The following HELZ variants were observed in gnomAD, a reference collection of about 807,000 sequenced individuals.
HELZ encodes ATP-dependent RNA helicase with zinc finger domain.
A neutral mutation model predicts 218.2 loss-of-function variants in HELZ; 23 were observed. The ratio of observed to expected loss-of-function variants is 0.11; its 90% CI spans 0.08 to 0.15. The LOEUF (loss-of-function observed/expected upper bound fraction) is 0.15, where lower values mean the gene tolerates loss of function less well. Ranked by LOEUF, HELZ falls within the 10% of genes least tolerant of loss-of-function variation. HELZ has a pLI of 1.00. For synonymous variants in HELZ, 814 were observed against 829.4 expected, an observed-to-expected ratio of 0.98 and a Z score of 0.32; for missense variants, 1,813 against 2,353.7, an observed-to-expected ratio of 0.77 and a Z score of 4.75.
chr17:67,102,354 T>C (rs2036956622), intron 31 of HELZ, among the ~76,000 whole-genome samples: 1 of 152,230 alleles, frequency 6.6e-6, no homozygotes. Flanking sequence ...TCTAGTTAAA[T>C]TATAAATAAT....
intron 31 of HELZ, among the ~76,000 whole-genome samples, chr17:67,092,121 G>A (rs1449127722): frequency 1.3e-5 from 2 of 152,180 alleles, no homozygotes; most frequent in African/African-American, 4.8e-5. Flanking sequence ...CTATTGAAAA[G>A]CACTTGATAA....
rs1218230493 is a variant in HELZ at position 67,244,752 on chromosome 17, G to A, written c.-132+396C>T. 5 of 984,450 alleles carry A rather than the reference G, an allele frequency of 5.1e-6. No individual in the cohort carries two copies. In the African/African-American group the frequency reaches 8.7e-5, roughly 17 times the overall value. 61.0% of individuals were successfully genotyped at this position (984,450 alleles called of 1,614,324 possible). A position where few individuals can be genotyped will look rare whatever the true frequency, so the allele number is the denominator to read the frequency against. Reference sequence around the variant, plus strand: ...CGAGCGGGGCGTGGGAGGCCCGCACGCTCCCCACCCCCAGCCGCGACCCGG... The same window carrying A: ...CGAGCGGGGCGTGGGAGGCCCGCACACTCCCCACCCCCAGCCGCGACCCGG... On this transcript the variant is annotated intron_variant, in intron 1 of 32. Transcript: ENST00000358691.
intron 5 of HELZ, among the ~76,000 whole-genome samples, chr17:67,205,097 C>G (rs1051088575): frequency 6.6e-6 from 1 of 152,050 alleles, no homozygotes. Context: ...GAGGCCGAGG[C>G]GGGCAGATCA....
intron 7 of HELZ, among the ~76,000 whole-genome samples, chr17:67,197,580 T>C (rs1011527603): frequency 8.5e-5 from 13 of 152,326 alleles, no homozygotes; most frequent in Admixed American, 5.2e-4. Context: ...TTGCTTTTCA[T>C]GGACATCTCA....
intron 3 of HELZ, among the ~76,000 whole-genome samples, chr17:67,228,864 A>G (rs1282403046): frequency 2.6e-5 from 4 of 152,092 alleles, no homozygotes; most frequent in Admixed American, 1.3e-4. Context: ...TATTACAGGC[A>G]TACGCCACCA....
At chr17:67,227,559 T>C (rs781310942) in intron 3 of HELZ, among the ~76,000 whole-genome samples, 1 of 152,172 alleles carries the variant, frequency 6.6e-6, no homozygotes, top group Non-Finnish European at 1.5e-5. Flanking sequence ...AGAAAACCCA[T>C]GCACTTCCCT....
Position 67,073,678 on chromosome 17 carries a change from T to C in HELZ, c.*4574A>G, listed in dbSNP as rs901705044. On this transcript the variant is annotated 3_prime_UTR_variant, in exon 33 of 33. Coordinates refer to ENST00000358691, the MANE Select transcript of HELZ (RefSeq NM_014877.4). ...TTAAACTTCACTCCAAAGTAGACATTCTCAATTGGTTCAAAAATTTTAAAC... is the reference window on the plus strand; with the variant it reads ...TTAAACTTCACTCCAAAGTAGACATCCTCAATTGGTTCAAAAATTTTAAAC... The C allele has an allele frequency of 5.9e-5, 9 of 152,314 alleles. No individual in the cohort carries two copies. The South Asian group carries it at 1.0e-3, about 18-fold the overall frequency. 9.4% of individuals were successfully genotyped at this position (152,314 alleles called of 1,614,324 possible).
intron 13 of HELZ, among the ~76,000 whole-genome samples, chr17:67,174,727 G>C (rs1298158704): frequency 6.6e-6 from 1 of 152,118 alleles, no homozygotes; most frequent in Non-Finnish European, 1.5e-5. Flanking sequence ...GAACCCAGGA[G>C]GCGGAGGTTC....
chr17:67,073,911 A>G lies in HELZ; in HGVS notation c.*4341T>C, dbSNP rs1380879972. 1 of 152,198 alleles carries G rather than the reference A, an allele frequency of 6.6e-6. No homozygotes were observed. Among genetic ancestry groups the G allele is most frequent in the Non-Finnish European group, 1.5e-5 (1 of 68,032 alleles). 9.4% of individuals were successfully genotyped at this position (152,198 alleles called of 1,614,324 possible). A position where few individuals can be genotyped will look rare whatever the true frequency, so the allele number is the denominator to read the frequency against. ...CAAGCAGATGGGAAATGTGAGGAGC[A>G]TATCATAATGAGCATTTTCAAGACT... On this transcript the variant is annotated 3_prime_UTR_variant, in exon 33 of 33. Coordinates refer to ENST00000358691, the MANE Select transcript of HELZ (RefSeq NM_014877.4).
intron 13 of HELZ, among the ~76,000 whole-genome samples, chr17:67,173,858 C>T (rs2039378513): frequency 6.6e-6 from 1 of 152,216 alleles, no homozygotes; most frequent in Non-Finnish European, 1.5e-5. Context: ...ATGAAATGTG[C>T]ACCCCATACT....
rs2040151691 is a variant in HELZ at position 67,200,913 on chromosome 17, C to G, written c.429+216G>C. 5.7e-6 allele frequency: 3 copies of G among 528,322 alleles called. No individual in the cohort carries two copies. The East Asian group carries it at 8.9e-5, about 16-fold the overall frequency. 32.7% of individuals were successfully genotyped at this position (528,322 alleles called of 1,614,324 possible). A position where few individuals can be genotyped will look rare whatever the true frequency, so the allele number is the denominator to read the frequency against. ...CTGTCCACTAGGGACAGAAGATAAG[C>G]CCTGGCACACAGAGGAGACATGTGG... On this transcript the variant is annotated intron_variant, in intron 7 of 32. Transcript: ENST00000358691.
intron 32 of HELZ, among the ~76,000 whole-genome samples, chr17:67,085,670 A>C (rs2036347477): frequency 6.6e-6 from 1 of 152,202 alleles, no homozygotes; most frequent in Admixed American, 6.5e-5. Flanking sequence ...GATGAACAAA[A>C]TTTGTTTCAA....
rs1056578846 is a variant in HELZ at position 67,194,969 on chromosome 17, A to T, written c.481+450T>A. 5.3e-5 allele frequency among the ~76,000 whole-genome samples: 8 copies of T among 152,338 alleles called. No homozygotes were observed. The East Asian group carries it at 1.5e-3, about 29-fold the overall frequency. The stretch of plus-strand genomic sequence containing the variant: ...CCAATGCCCATAGTACACAGCATTC[A>T]GCAGGCACTCAATGAATGTTCTTCT... On this transcript the variant is annotated intron_variant, in intron 8 of 32. Coordinates refer to ENST00000358691, the MANE Select transcript of HELZ (RefSeq NM_014877.4).
intron 12 of HELZ, among the ~76,000 whole-genome samples, chr17:67,183,958 C>T (rs1037099804): frequency 6.6e-5 from 10 of 151,338 alleles, no homozygotes; most frequent in Admixed American, 4.6e-4. Flanking sequence ...TTGTTCATGG[C>T]CTACGAATAG....
chr17:67,195,398 T>C (rs1423208436), intron 8 of HELZ, 21 bp downstream of exon 8: 3 of 1,511,612 alleles, frequency 2.0e-6, no homozygotes, highest in African/African-American at 2.7e-5. Flanking sequence ...TACCAGAAGT[T>C]ACACAGCATT....
At chr17:67,230,672 T>TTATA (rs1367972707) in intron 3 of HELZ, among the ~76,000 whole-genome samples, 1 of 149,484 alleles carries the variant, frequency 6.7e-6, no homozygotes, top group Non-Finnish European at 1.5e-5. Context: ...GCCAAGAAAA[T>TTATA]TATATTACTA....
At chr17:67,150,861 A>T (rs1598326992) in intron 18 of HELZ, among the ~76,000 whole-genome samples, 185 bp downstream of exon 18, 1 of 152,162 alleles carries the variant, frequency 6.6e-6, no homozygotes, top group Non-Finnish European at 1.5e-5. Context: ...CAACAACTCA[A>T]CTCAGCCACT....
intron 31 of HELZ, among the ~76,000 whole-genome samples, chr17:67,102,690 A>C (rs1385065047): frequency 6.6e-6 from 1 of 152,222 alleles, no homozygotes; most frequent in Non-Finnish European, 1.5e-5. Context: ...TGAACAGACT[A>C]AAGTTACCCT....
chr17:67,133,230 T>C (rs933651564), intron 23 of HELZ, among the ~76,000 whole-genome samples: 1 of 152,170 alleles, frequency 6.6e-6, no homozygotes, highest in Non-Finnish European at 1.5e-5. Context: ...ACCTTGACAC[T>C]TCCCAGCTGA....
Sources: gnomAD v4.1 joint callset for allele counts (sites outside exome capture counted in the v4.1 genomes callset) on GRCh38, gnomAD v4.1.1 for gene constraint, MANE v1.5 for transcripts, NCBI Gene and HGNC (gene_info 2026-07-23, HGNC 2026-07-21) for gene names.